Variants in NLRP8 observed in about 807,000 individuals in gnomAD.
NLRP8 encodes NLR family pyrin domain containing 8.
Under a neutral mutation model 88.7 loss-of-function variants are expected in NLRP8, and 86 were observed. That is an observed-to-expected ratio of 0.97 (90% confidence interval 0.81 to 1.16). The LOEUF (loss-of-function observed/expected upper bound fraction) is 1.16. NLRP8 is among the 50% of genes most tolerant of loss of function. The pLI is 0.00. For synonymous variants in NLRP8, 504 were observed against 494.6 expected, an observed-to-expected ratio of 1.02 and a Z score of -0.25; for missense variants, 1,342 against 1,286.5, an observed-to-expected ratio of 1.04 and a Z score of -0.66.
intron 8 of NLRP8, 115 bp downstream of exon 8, chr19:55,976,418 C>T (rs1477378851): frequency 1.1e-6 from 1 of 895,582 alleles, no homozygotes; most frequent in Non-Finnish European, 1.5e-6. Flanking sequence ...ATTGTTCCCT[C>T]CATTGAATTG....
At chr19:55,971,647 A>G (rs1413476871) in intron 6 of NLRP8, among the ~76,000 whole-genome samples, 2 of 128,684 alleles carry the variant, frequency 1.6e-5, no homozygotes, top group African/African-American at 7.2e-5. Context: ...TGTTGGCTAC[A>G]CACAGACACA....
At chr19:55,978,166 G>A (rs1352756146) in intron 8 of NLRP8, among the ~76,000 whole-genome samples, 2 of 151,818 alleles carry the variant, frequency 1.3e-5, no homozygotes, top group African/African-American at 2.4e-5. Context: ...TCATCCACCT[G>A]TCCCCTTTGG....
chr19:55,985,845 A>G (rs1054064664), intron 9 of NLRP8, among the ~76,000 whole-genome samples: 1 of 152,030 alleles, frequency 6.6e-6, no homozygotes, highest in African/African-American at 2.4e-5. Context: ...GTGAAACCCC[A>G]TCTCTATTAA....
At chr19:55,977,037 A>G (rs999346314) in intron 8 of NLRP8, among the ~76,000 whole-genome samples, 3 of 148,386 alleles carry the variant, frequency 2.0e-5, no homozygotes, top group Non-Finnish European at 4.5e-5. Context: ...CCGAGATCAC[A>G]CCACTGTACT....
At chr19:55,972,414 CT>C (rs35559046) in intron 6 of NLRP8, among the ~76,000 whole-genome samples, 55,169 of 147,910 alleles carry the variant, frequency 0.37, 10,721 homozygotes, top group Non-Finnish European at 0.44. Flanking sequence ...TGCACCTAGT[CT>C]TTTTTTTTTT....
intron 5 of NLRP8, among the ~76,000 whole-genome samples, chr19:55,966,635 A>C (rs1163198176): frequency 6.6e-6 from 1 of 152,110 alleles, no homozygotes; most frequent in Non-Finnish European, 1.5e-5. Context: ...TCTACTAAAA[A>C]TACAAAAAAT....
At chr19:55,958,247 G>C (rs1031156669) in intron 3 of NLRP8, among the ~76,000 whole-genome samples, 2 of 152,190 alleles carry the variant, frequency 1.3e-5, no homozygotes, top group Admixed American at 6.5e-5. Context: ...ATCTCTTCCA[G>C]ATTCCTGTCT....
chr19:55,981,908 T>C (rs1429455002), intron 9 of NLRP8, among the ~76,000 whole-genome samples: 1 of 11,834 alleles, frequency 8.5e-5, no homozygotes, highest in Non-Finnish European at 2.5e-4. Flanking sequence ...TCTTGTTTTT[T>C]GTTTTTTTTT....
intron 9 of NLRP8, among the ~76,000 whole-genome samples, chr19:55,981,827 T>G (rs1240741309): frequency 6.6e-6 from 1 of 150,440 alleles, no homozygotes. Flanking sequence ...GCAATCACAA[T>G]GTTTTTTTTC....
chr19:55,962,316 C>T (rs1475046397), intron 4 of NLRP8, 79 bp downstream of exon 4: 7 of 1,433,936 alleles, frequency 4.9e-6, no homozygotes, highest in Non-Finnish European at 6.7e-6. Flanking sequence ...ATTCCCTCTC[C>T]ACTCACACTA....
intron 1 of NLRP8, among the ~76,000 whole-genome samples, chr19:55,951,321 A>G (rs997021568): frequency 9.2e-5 from 14 of 152,194 alleles, no homozygotes; most frequent in Non-Finnish European, 2.1e-4. Context: ...AAGTTTTTAT[A>G]TTGATCAGTC....
At position 55,988,256 on chromosome 19, in the gene NLRP8, G is replaced by T. The variant is rs1031298379; in HGVS notation, c.*343G>T. 1.8e-5 allele frequency: 3 copies of T among 168,452 alleles called. No individual in the cohort carries two copies. The highest frequency in any genetic ancestry group is 7.2e-5 in the African/African-American group (3 of 41,442). The allele number at this position is 168,452 out of a possible 1,614,324, so 10.4% of individuals were successfully genotyped here. On this transcript the variant is annotated 3_prime_UTR_variant, in exon 10 of 10. Coordinates refer to ENST00000291971, the MANE Select transcript of NLRP8 (RefSeq NM_176811.2). ...AAAAAAAAAATACAAAAAATTAGGC[G>T]TGGTGGTGGGCTCCTGTAATCCCAG...
intron 9 of NLRP8, among the ~76,000 whole-genome samples, chr19:55,985,280 G>A (rs1013853501): frequency 1.3e-5 from 2 of 151,910 alleles, no homozygotes; most frequent in Non-Finnish European, 1.5e-5. Flanking sequence ...TCCAGCCCAG[G>A]TGACAGTGTG....
At chr19:55,953,403 A>G (rs544591424) in intron 2 of NLRP8, among the ~76,000 whole-genome samples, 3 of 152,264 alleles carry the variant, frequency 2.0e-5, no homozygotes, top group African/African-American at 7.2e-5. Context: ...GAATTATCCC[A>G]AAACCATCCC....
rs1003426262 is a variant in NLRP8, at chr19:55,961,937, A to G, written c.2043-130A>G. The G allele has an allele frequency of 4.3e-6, 3 of 698,886 alleles. No individual in the cohort carries two copies. The African/African-American group carries it at 5.3e-5, about 12-fold the overall frequency. The allele number at this position is 698,886 out of a possible 1,614,324, so 43.3% of individuals were successfully genotyped here. On this transcript the variant is annotated intron_variant, in intron 3 of 9. Transcript: ENST00000291971. ...TGGTTTTTCTGAGTGCTTTATTTAAATGAGGATGTCTTAGAGTCACTAGAG... is the reference window on the plus strand; with the variant it reads ...TGGTTTTTCTGAGTGCTTTATTTAAGTGAGGATGTCTTAGAGTCACTAGAG...
At chr19:55,978,451 G>A (rs930619776) in intron 8 of NLRP8, among the ~76,000 whole-genome samples, 2 of 152,186 alleles carry the variant, frequency 1.3e-5, no homozygotes, top group African/African-American at 2.4e-5. Flanking sequence ...CCAAGGTGGA[G>A]GGGCTGCATC....
Position 55,957,673 on chromosome 19 carries a change from TTATATATATATATATATATATA to T in NLRP8, c.2042+1604_2042+1625del, listed in dbSNP as rs10523999. Among the ~76,000 whole-genome samples, 15 of 31,206 alleles carry T rather than the reference TTATATATATATATATATATATA, an allele frequency of 4.8e-4. 1 individual carries two copies. In the South Asian group the frequency reaches 5.1e-3, roughly 11 times the overall value. The allele number at this position is 31,206 out of a possible 152,430, so 20.5% of individuals were successfully genotyped here. A position where few individuals can be genotyped will look rare whatever the true frequency, so the allele number is the denominator to read the frequency against. On this transcript the variant is annotated intron_variant, in intron 3 of 9. Coordinates refer to ENST00000291971, the MANE Select transcript of NLRP8 (RefSeq NM_176811.2). Reference sequence around the variant, plus strand: ...TATCTTAAAAAAGAAAAAATAATAATTATATATATATATATATATATATATATATATATATATATATATATAT... The same window carrying T: ...TATCTTAAAAAAGAAAAAATAATAATTATATATATATATATATATATATAT...
rs1435595528 is a variant in NLRP8 at position 55,948,072 on chromosome 19, A to G, written c.170A>G (p.Lys57Arg). 6.2e-7 allele frequency: 1 copy of G among 1,614,118 alleles called. No homozygotes were observed. Among genetic ancestry groups the G allele is most frequent in the East Asian group, 2.2e-5 (1 of 44,856 alleles). The change falls in exon 1 of 10, where the codon AAG becomes AGG. Residue 57 changes from lysine to arginine, a missense_variant. By Grantham distance (26) the Lys-to-Arg change is conservative. Coordinates refer to ENST00000291971, the MANE Select transcript of NLRP8 (RefSeq NM_176811.2). ...AGCCATGAGGAGCTACAACGGTTCA[A>G]GCAGCTCTTACTGACTGAGCTCAGT...
chr19:55,958,585 A>G (rs1979474665), intron 3 of NLRP8, among the ~76,000 whole-genome samples: 2 of 152,128 alleles, frequency 1.3e-5, no homozygotes, highest in African/African-American at 4.8e-5. Context: ...TGTGACTGTT[A>G]ACCACACTGC....
Sources: gnomAD v4.1 joint callset for allele counts (sites outside exome capture counted in the v4.1 genomes callset) on GRCh38, gnomAD v4.1.1 for gene constraint, MANE v1.5 for transcripts, NCBI Gene and HGNC (gene_info 2026-07-23, HGNC 2026-07-21) for gene names.